LEPR: variants seen among roughly 807,000 people sequenced by gnomAD.
LEPR encodes the protein leptin receptor, also known as OB receptor.
A neutral mutation model predicts 114.7 loss-of-function variants in LEPR; 56 were observed. The ratio of observed to expected loss-of-function variants is 0.49; its 90% confidence interval spans 0.39 to 0.61. LEPR has a LOEUF of 0.61. Ranked by LOEUF, LEPR falls within the 20% of genes least tolerant of loss-of-function variation. The probability of loss-of-function intolerance (pLI) is 0.00; values close to 1 mark genes in which losing one functional copy is unlikely to be tolerated. For missense variants in LEPR, 1,202 were observed against 1,352.9 expected (o/e 0.89, Z 1.75); for synonymous variants, 443 against 461.4 (o/e 0.96, Z 0.51).
chr1:65,464,671 G>C (rs1646987448), intron 2 of LEPR, among the ~76,000 whole-genome samples: 1 of 152,124 alleles, frequency 6.6e-6, no homozygotes, highest in African/African-American at 2.4e-5. Flanking sequence ...TTTTTTGGTT[G>C]ATAGGCTATT....
At chr1:65,463,506 G>A (rs1201493210) in intron 2 of LEPR, among the ~76,000 whole-genome samples, 11 of 152,156 alleles carry the variant, frequency 7.2e-5, no homozygotes, top group Middle Eastern at 3.2e-3. Flanking sequence ...GGCTATGTGG[G>A]CTCTTTTTTG....
intron 2 of LEPR, among the ~76,000 whole-genome samples, chr1:65,501,679 T>C (rs1648460886): frequency 6.6e-6 from 1 of 152,000 alleles, no homozygotes; most frequent in Admixed American, 6.6e-5. Context: ...CTCCCTTAAA[T>C]ATTAGGTTTC....
intron 2 of LEPR, among the ~76,000 whole-genome samples, chr1:65,444,612 C>T (rs891285193): frequency 2.0e-5 from 3 of 151,988 alleles, no homozygotes; most frequent in Non-Finnish European, 2.9e-5. Flanking sequence ...AGGGAAATCC[C>T]TTTGCTCCTA....
intron 2 of LEPR, among the ~76,000 whole-genome samples, chr1:65,485,201 C>G (rs1051352781): frequency 6.6e-6 from 1 of 152,110 alleles, no homozygotes; most frequent in Non-Finnish European, 1.5e-5. Context: ...AGCATTTCTT[C>G]ATCTATAAAA....
chr1:65,587,897 C>T (rs964442815), intron 5 of LEPR, among the ~76,000 whole-genome samples: 4 of 152,022 alleles, frequency 2.6e-5, no homozygotes, highest in Non-Finnish European at 5.9e-5. Context: ...ATTATAGCTT[C>T]TAAAGCAACA....
chr1:65,484,241 TAG>T (rs1210122912), intron 2 of LEPR, among the ~76,000 whole-genome samples: 1 of 152,178 alleles, frequency 6.6e-6, no homozygotes, highest in Non-Finnish European at 1.5e-5. Context: ...TGGCCCATAG[TAG>T]GAGCTTAATA....
chr1:65,624,345 C>G (rs921241341), intron 19 of LEPR, among the ~76,000 whole-genome samples: 2 of 151,838 alleles, frequency 1.3e-5, no homozygotes, highest in Non-Finnish European at 2.9e-5. Context: ...AAGTGTTATT[C>G]TCTCTATTTT....
intron 2 of LEPR, among the ~76,000 whole-genome samples, chr1:65,500,670 G>A (rs997536394): frequency 3.3e-5 from 5 of 152,040 alleles, no homozygotes; most frequent in African/African-American, 1.2e-4. Context: ...TATAATACAT[G>A]TAGCATACAA....
chr1:65,488,232 C>CTT (rs764881496), intron 2 of LEPR, among the ~76,000 whole-genome samples: 1,051 of 72,750 alleles, frequency 0.014, 72 homozygotes, highest in Middle Eastern at 0.041. Flanking sequence ...CTCTCTCTTT[C>CTT]TTTCTTTCTT....
chr1:65,616,776 C>T (rs1419095540), intron 15 of LEPR, among the ~76,000 whole-genome samples: 1 of 152,038 alleles, frequency 6.6e-6, no homozygotes, highest in East Asian at 1.9e-4. Context: ...TTGAGACCCA[C>T]TTTCAATAGG....
intron 2 of LEPR, among the ~76,000 whole-genome samples, chr1:65,510,967 A>G (rs1648999135): frequency 6.6e-6 from 1 of 151,912 alleles, no homozygotes; most frequent in African/African-American, 2.4e-5. Flanking sequence ...AGCAATAGAC[A>G]CTCCCACTGC....
chr1:65,434,123 A>G, intron 2 of LEPR: 1 of 984,170 alleles, frequency 1.0e-6, no homozygotes, highest in Non-Finnish European at 1.2e-6. Flanking sequence ...AGATTGATAT[A>G]AAGTACTTGC....
chr1:65,633,156 C>T lies in LEPR; in HGVS notation c.2674-3035C>T, dbSNP rs762314477. 1.3e-5 allele frequency: 20 copies of T among 1,590,022 alleles called. No homozygotes were observed. The highest frequency in any genetic ancestry group is 4.4e-5 in the South Asian group (4 of 90,560). On this transcript the variant is annotated intron_variant, in intron 19 of 19. Coordinates refer to ENST00000349533, the MANE Select transcript of LEPR (RefSeq NM_002303.6). This position sits in a 1 kb window ranked among gnomAD's most constrained non-coding sequence, Gnocchi z 4.1. The stretch of plus-strand genomic sequence containing the variant: ...TGTTTTATTTTATCTAAACAGAGAA[C>T]GGACATTCTTTGAAGTCTAATCATG...
intron 14 of LEPR, among the ~76,000 whole-genome samples, chr1:65,614,312 A>T (rs1657393856): frequency 6.6e-6 from 1 of 152,234 alleles, no homozygotes; most frequent in Non-Finnish European, 1.5e-5. Flanking sequence ...ATCTTAATGC[A>T]TGTAGATTAA....
intron 2 of LEPR, among the ~76,000 whole-genome samples, chr1:65,472,296 C>T (rs1647094182): frequency 6.6e-6 from 1 of 151,816 alleles, no homozygotes; most frequent in Non-Finnish European, 1.5e-5. Context: ...ATAAACAGGG[C>T]TGTCATTTGG....
chr1:65,615,034 T>C (rs1449499057), intron 14 of LEPR, among the ~76,000 whole-genome samples: 3 of 152,192 alleles, frequency 2.0e-5, no homozygotes, highest in African/African-American at 7.2e-5. Context: ...TGTTTTTTTT[T>C]CAAATAAAAT....
chr1:65,487,437 G>A (rs1647548420), intron 2 of LEPR, among the ~76,000 whole-genome samples: 1 of 151,974 alleles, frequency 6.6e-6, no homozygotes, highest in East Asian at 1.9e-4. Context: ...GGTATAGTAA[G>A]TAAATATTGG....
chr1:65,549,064 A>C (rs1652045149), intron 2 of LEPR, among the ~76,000 whole-genome samples: 1 of 151,416 alleles, frequency 6.6e-6, no homozygotes, highest in Admixed American at 6.6e-5. Flanking sequence ...TCCTTCACTT[A>C]TGAAGCTTAG....
chr1:65,595,446 A>G (rs111897237), intron 6 of LEPR, among the ~76,000 whole-genome samples: 18 of 152,130 alleles, frequency 1.2e-4, no homozygotes, highest in Admixed American at 9.8e-4. Flanking sequence ...TCTTTGGTAT[A>G]TATTGTTTTC....
Sources: allele counts gnomAD v4.1 joint callset (sites outside exome capture counted in the v4.1 genomes callset), GRCh38; gene constraint gnomAD v4.1.1; non-coding constraint Gnocchi (gnomAD v3.1); transcripts MANE v1.5; gene names NCBI Gene and HGNC (gene_info 2026-07-23, HGNC 2026-07-21).